The following GFPT2 variants were observed in gnomAD, a reference collection of about 807,000 sequenced individuals.
GFPT2 encodes the protein glutamine--fructose-6-phosphate transaminase 2, also known as glutamine--fructose-6-phosphate aminotransferase [isomerizing] 2.
GFPT2 carries 62 observed loss-of-function variants against 85.6 expected under a neutral mutation model. That is an observed-to-expected ratio of 0.72 (90% confidence interval 0.59 to 0.90). The LOEUF is 0.90. Among genes scored for constraint, GFPT2 ranks in the 40% least tolerant of loss-of-function variants. GFPT2 has a pLI of 0.00. For synonymous variants in GFPT2, 368 were observed against 344.5 expected (o/e 1.07, Z -0.75); for missense variants, 788 against 893.4 (o/e 0.88, Z 1.50).
intron 7 of GFPT2, 36 bp from the exon 8 acceptor site, chr5:180,324,931 C>A: frequency 7.6e-7 from 1 of 1,310,372 alleles, no homozygotes; most frequent in Non-Finnish European, 1.1e-6. Context: ...TACCCATTGC[C>A]TTTGACGCCC....
At chr5:180,347,051 CAG>C (rs1035153688) in intron 1 of GFPT2, among the ~76,000 whole-genome samples, 16 of 152,206 alleles carry the variant, frequency 1.1e-4, no homozygotes, top group African/African-American at 3.6e-4. Context: ...ATTGAAGAGA[CAG>C]GGGATGGACC....
At chr5:180,339,786 T>C (rs1288689933) in intron 1 of GFPT2, among the ~76,000 whole-genome samples, 1 of 152,230 alleles carries the variant, frequency 6.6e-6, no homozygotes, top group Non-Finnish European at 1.5e-5. Flanking sequence ...TCTCACGTCA[T>C]GGGACACCCA....
intron 13 of GFPT2, among the ~76,000 whole-genome samples, chr5:180,315,327 G>C (rs960165563): frequency 6.6e-6 from 1 of 152,048 alleles, no homozygotes; most frequent in Non-Finnish European, 1.5e-5. Flanking sequence ...ACAGGCGCCC[G>C]CCACCACGCC....
intron 8 of GFPT2, 57 bp downstream of exon 8, chr5:180,324,759 T>A: frequency 8.8e-7 from 1 of 1,135,220 alleles, no homozygotes; most frequent in Non-Finnish European, 1.3e-6. Flanking sequence ...CCAGAGCAGC[T>A]GCCGAGTCCT....
At position 180,318,901 on chromosome 5, in the gene GFPT2, C is replaced by A. The variant is rs116598739; in HGVS notation, c.850G>T (p.Ala284Ser). Residue 284 changes from alanine to serine, a missense_variant, in exon 10 of 19, where the codon GCA (alanine) becomes TCA (serine). By Grantham distance (99) the Ala-to-Ser change is moderately conservative. Transcript: ENST00000253778. The surrounding 1 kb of genome is among the most constrained non-coding windows in gnomAD (Gnocchi z 4.2). ...ATGGAGAGTTTCCCATCAGCCACTGCGGCGATGTCATCGTCCTCCAGGAAG... is the reference window on the plus strand; with the variant it reads ...ATGGAGAGTTTCCCATCAGCCACTGAGGCGATGTCATCGTCCTCCAGGAAG... The part of the protein sequence containing the change: ...VIFLEDDDIA[A>S]VADGKLSIHR... 1.2e-5 allele frequency: 19 copies of A among 1,613,552 alleles called. No homozygotes were observed. The highest frequency in any genetic ancestry group is 2.2e-5 in the South Asian group (2 of 91,078).
rs1048035241 is a variant in GFPT2, at chr5:180,323,217, G to A, written c.794+971C>T. Among the ~76,000 whole-genome samples, 5 of 152,032 alleles carry A rather than the reference G, an allele frequency of 3.3e-5. No homozygotes were observed. Among genetic ancestry groups the A allele is most frequent in the African/African-American group, 7.3e-5 (3 of 41,364 alleles). ...TTAGAATCACTGAAATAATACCAGC[G>A]TCTCGTTGGTATTCTCGGCGTGTTC... On this transcript the variant is annotated intron_variant, in intron 9 of 18. Coordinates refer to ENST00000253778, the MANE Select transcript of GFPT2 (RefSeq NM_005110.4). The surrounding 1 kb of genome is among the most constrained non-coding windows in gnomAD (Gnocchi z 4.0).
In GFPT2 at chr5:180,316,934, G is replaced by C. The variant is rs764052570; in HGVS notation, c.1054+29C>G. ...GCATTCCCTGAGACTAGGCTCGGGC[G>C]GAGGCTCCCCACCGAGTGTAGGAAT... On this transcript the variant is annotated intron_variant, in intron 11 of 18. Coordinates refer to ENST00000253778, the MANE Select transcript of GFPT2 (RefSeq NM_005110.4). 8 of 1,557,568 alleles carry C rather than the reference G, an allele frequency of 5.1e-6. No individual in the cohort carries two copies. The East Asian group carries it at 1.8e-4, about 35-fold the overall frequency.
At chr5:180,332,020 T>C (rs1764311600) in intron 4 of GFPT2, among the ~76,000 whole-genome samples, 1 of 152,214 alleles carries the variant, frequency 6.6e-6, no homozygotes, top group African/African-American at 2.4e-5. Flanking sequence ...TGTAAAAATA[T>C]TTGAGTTTTT....
In GFPT2 at chr5:180,306,865, T is replaced by G. The variant is rs186582323; in HGVS notation, c.1674+311A>C. On this transcript the variant is annotated intron_variant, in intron 16 of 18. Transcript: ENST00000253778. ...CCTCTCAGAAGCAGCTCATGAGGTC[T>G]GAGTGAGCTGTTCCAAGTGGACCCT... Among the ~76,000 whole-genome samples the G allele has an allele frequency of 5.2e-3, 797 of 152,330 alleles. 9 individuals are homozygous for G. Among genetic ancestry groups the G allele is most frequent in the African/African-American group, 0.018 (766 of 41,584 alleles).
chr5:180,304,081 C>G (rs1414273839), intron 17 of GFPT2, among the ~76,000 whole-genome samples: 1 of 152,158 alleles, frequency 6.6e-6, no homozygotes, highest in Non-Finnish European at 1.5e-5. Context: ...ACTCTGGACA[C>G]TGGAGCTAGC....
intron 16 of GFPT2, among the ~76,000 whole-genome samples, chr5:180,306,654 T>TC (rs1257360968): frequency 6.6e-6 from 1 of 151,868 alleles, no homozygotes; most frequent in East Asian, 1.9e-4. Flanking sequence ...GATCTCAAAC[T>TC]CCCCTTGGAA....
Position 180,332,316 on chromosome 5 carries a change from G to A in GFPT2, c.341-763C>T, listed in dbSNP as rs56325540. Among the ~76,000 whole-genome samples the A allele has an allele frequency of 8.1e-3, 1,229 of 152,236 alleles. 17 individuals carry two copies. Among genetic ancestry groups the A allele is most frequent in the African/African-American group, 0.028 (1,164 of 41,526 alleles). On this transcript the variant is annotated intron_variant, in intron 4 of 18. Coordinates refer to ENST00000253778, the MANE Select transcript of GFPT2 (RefSeq NM_005110.4). ...CTCCACCCCACTGCATTTTCTCAAT[G>A]AATAGCCCGCATATGAGTGCCTTGA...
At chr5:180,329,190 C>T (rs933863738) in intron 6 of GFPT2, among the ~76,000 whole-genome samples, 9 of 152,316 alleles carry the variant, frequency 5.9e-5, no homozygotes, top group South Asian at 4.1e-4. Flanking sequence ...GTGGAAGCCA[C>T]GGGCAGCCCC....
chr5:180,303,632 C>T (rs1763720730), intron 17 of GFPT2, among the ~76,000 whole-genome samples: 1 of 152,168 alleles, frequency 6.6e-6, no homozygotes, highest in Admixed American at 6.5e-5. Context: ...CTGTGCTGAG[C>T]CAGGTGGCAA....
intron 11 of GFPT2, 32 bp from the exon 12 acceptor site, chr5:180,316,893 A>G (rs907011327): frequency 3.8e-6 from 6 of 1,568,624 alleles, no homozygotes; most frequent in Non-Finnish European, 4.4e-6. Flanking sequence ...GTTAATGCTG[A>G]GTCTACACAG....
rs1764054005 is a variant in GFPT2, at chr5:180,318,380, G to GT, written c.958+412dup. Among the ~76,000 whole-genome samples, 1 of 152,184 alleles carries GT rather than the reference G, an allele frequency of 6.6e-6. No individual in the cohort carries two copies. ...CAGGCTGCCCTGTGGGGTAGAGGTTGTAAGGGGACAGAAATGGGTGCAGAC... is the reference window on the plus strand; with the variant it reads ...CAGGCTGCCCTGTGGGGTAGAGGTTGTTAAGGGGACAGAAATGGGTGCAGAC... On this transcript the variant is annotated intron_variant, in intron 10 of 18. Coordinates refer to ENST00000253778, the MANE Select transcript of GFPT2 (RefSeq NM_005110.4). This position sits in a 1 kb window ranked among gnomAD's most constrained non-coding sequence, Gnocchi z 4.2.
Position 180,302,493 on chromosome 5 carries a change from A to G in GFPT2, c.1934T>C (p.Leu645Pro). 3 of 1,614,078 alleles carry G rather than the reference A, an allele frequency of 1.9e-6. No individual in the cohort carries two copies. Among genetic ancestry groups the G allele is most frequent in the Non-Finnish European group, 2.5e-6 (3 of 1,179,940 alleles). Residue 645 changes from leucine (L) to proline (P), a missense_variant, in exon 18 of 19, where the codon CTC becomes CCC. Coordinates refer to ENST00000253778, the MANE Select transcript of GFPT2 (RefSeq NM_005110.4). ...CGGAATCACGCTCAGGATGCCCTGG[A>G]GGCAGTCCACAGTGTGGGGCAGCTC... is the stretch of plus-strand genomic sequence containing the variant. ...TIELPHTVDCLQGILSVIPLQ... is the reference protein window; with the variant it reads ...TIELPHTVDCPQGILSVIPLQ...
intron 16 of GFPT2, 70 bp from the exon 17 acceptor site, chr5:180,305,009 G>T (rs1763748099): frequency 6.4e-6 from 7 of 1,090,674 alleles, no homozygotes; most frequent in Non-Finnish European, 9.6e-6. Flanking sequence ...CAGAGGGGAA[G>T]AAGGGGAACC....
chr5:180,318,721 CAG>C lies in GFPT2; in HGVS notation c.958+70_958+71del, dbSNP rs3217233. The C allele has an allele frequency of 1.3e-5, 17 of 1,312,232 alleles. 1 individual carries two copies. In the South Asian group the frequency reaches 1.9e-4, roughly 14 times the overall value. The allele number at this position is 1,312,232 out of a possible 1,614,324, so 81.3% of individuals were successfully genotyped here. On this transcript the variant is annotated intron_variant, in intron 10 of 18. Transcript: ENST00000253778. The surrounding 1 kb of genome is among the most constrained non-coding windows in gnomAD (Gnocchi z 4.2). ...GGCTGTGGCCTCTACTAGGACCAGG[CAG>C]AGTGTCAGGAGCTCCACCAGGCGCG...
Sources: gnomAD v4.1 joint callset for allele counts (sites outside exome capture counted in the v4.1 genomes callset) on GRCh38, gnomAD v4.1.1 for gene constraint, Gnocchi (gnomAD v3.1) non-coding constraint, MANE v1.5 for transcripts, NCBI Gene and HGNC (gene_info 2026-07-23, HGNC 2026-07-21) for gene names.